SH3TC1: variants seen among roughly 807,000 people sequenced by gnomAD.
The protein encoded by SH3TC1 is SH3 domain and tetratricopeptide repeats 1, also known as SH3 domain and tetratricopeptide repeat-containing protein 1.
A neutral mutation model predicts 117.3 loss-of-function variants in SH3TC1; 135 were observed. The observed-to-expected ratio is 1.15, with a 90% CI of 1.00 to 1.33. The LOEUF is 1.33. Ranked by LOEUF, SH3TC1 falls within the 40% of genes most tolerant of loss-of-function variation. The pLI is 0.00. For synonymous variants in SH3TC1, 898 were observed against 816.9 expected, an observed-to-expected ratio of 1.10 and a Z score of -1.69; for missense variants, 2,092 against 1,794.3, an observed-to-expected ratio of 1.17 and a Z score of -3.00.
Position 8,206,705 on chromosome 4 carries a change from C to G in SH3TC1, c.172+1339C>G, listed in dbSNP as rs538711756. Among the ~76,000 whole-genome samples the G allele has an allele frequency of 2.6e-5, 4 of 152,340 alleles. No homozygotes were observed. Among genetic ancestry groups the G allele is most frequent in the Non-Finnish European group, 5.9e-5 (4 of 68,040 alleles). On this transcript the variant is annotated intron_variant, in intron 2 of 17. Coordinates refer to ENST00000245105, the MANE Select transcript of SH3TC1 (RefSeq NM_018986.5). This position sits in a 1 kb window ranked among gnomAD's most constrained non-coding sequence, Gnocchi z 5.5. ...GGCTCCTCATCAGCTCCTTCACCTC[C>G]TCGTCTTCTCTGGACAATTTCAGAT...
chr4:8,239,580 GCACACGCA>G (rs941067332), intron 17 of SH3TC1, among the ~76,000 whole-genome samples: 4 of 150,088 alleles, frequency 2.7e-5, no homozygotes, highest in African/African-American at 9.8e-5. Flanking sequence ...ATGCACAGAG[GCACACGCA>G]CACAGGCACG....
upstream of SH3TC1, among the ~76,000 whole-genome samples, chr4:8,197,476 G>T (rs989737055): frequency 6.6e-6 from 1 of 152,226 alleles, no homozygotes; most frequent in Non-Finnish European, 1.5e-5. Flanking sequence ...TGTCCCCGCA[G>T]GGAAGAAGAG....
chr4:8,214,170 A>G (rs1346320637), intron 4 of SH3TC1, among the ~76,000 whole-genome samples: 6 of 151,930 alleles, frequency 3.9e-5, no homozygotes, highest in African/African-American at 1.5e-4. Flanking sequence ...AGCGGCGGTC[A>G]CTGGTGTGTG....
chr4:8,212,278 G>A (rs1712286), intron 3 of SH3TC1, among the ~76,000 whole-genome samples: 126,500 of 151,586 alleles, frequency 0.83, 53,804 homozygotes, highest in East Asian at 0.99. Context: ...GCGTGGAGGA[G>A]GAGCTTGCTA....
intron 5 of SH3TC1, chr4:8,215,371 C>T: frequency 2.5e-6 from 1 of 406,084 alleles, no homozygotes; most frequent in Non-Finnish European, 5.1e-6. Flanking sequence ...AGAATTGTAG[C>T]CACAATTCCC....
chr4:8,188,940 C>T (rs1717322159), intron 1 of SH3TC1, among the ~76,000 whole-genome samples: 1 of 152,260 alleles, frequency 6.6e-6, no homozygotes, highest in African/African-American at 2.4e-5. Flanking sequence ...GGGCACTGCT[C>T]ACAGGCACAC....
At chr4:8,188,904 A>G (rs1717320736) in intron 1 of SH3TC1, among the ~76,000 whole-genome samples, 1 of 152,220 alleles carries the variant, frequency 6.6e-6, no homozygotes, top group South Asian at 2.1e-4. Flanking sequence ...GGGGAGGTGC[A>G]GCCAGTGCTG....
intron 14 of SH3TC1, among the ~76,000 whole-genome samples, chr4:8,234,032 CCATTCATCCAT>C (rs1283004749): frequency 8.6e-4 from 126 of 146,808 alleles, no homozygotes; most frequent in African/African-American, 3.2e-3. Flanking sequence ...ATCCATCCAT[CCATTCATCCAT>C]CATTCATCCA....
chr4:8,214,632 G>A, intron 5 of SH3TC1, 52 bp downstream of exon 5: 1 of 1,391,262 alleles, frequency 7.2e-7, no homozygotes, highest in Non-Finnish European at 1.0e-6. Context: ...GTCGGAAGGT[G>A]CTGGTTACAC....
At chr4:8,215,236 G>C (rs1719141823) in intron 5 of SH3TC1, 1 of 456,138 alleles carries the variant, frequency 2.2e-6, no homozygotes, top group Non-Finnish European at 4.4e-6. Flanking sequence ...TTTGAAAGCT[G>C]ACCCACGTGA....
At chr4:8,198,229 G>T (rs550849635), upstream of SH3TC1, among the ~76,000 whole-genome samples, 3 of 152,302 alleles carry the variant, frequency 2.0e-5, no homozygotes, top group Non-Finnish European at 4.4e-5. Flanking sequence ...TTGGTCACTG[G>T]CCTTGGGCAT....
chr4:8,232,495 CCGAGT>C, intron 13 of SH3TC1: 1 of 1,412,374 alleles, frequency 7.1e-7, no homozygotes, highest in Non-Finnish European at 9.4e-7. Context: ...TCTGCCTGCC[CCGAGT>C]CTTCACTCCT....
intron 2 of SH3TC1, among the ~76,000 whole-genome samples, chr4:8,207,782 A>G (rs1426540021): frequency 6.6e-6 from 1 of 152,146 alleles, no homozygotes; most frequent in East Asian, 1.9e-4. Flanking sequence ...TTCCAGGCTT[A>G]TCTTGCACTT....
chr4:8,196,969 T>C (rs1286983841), upstream of SH3TC1, among the ~76,000 whole-genome samples: 1 of 152,172 alleles, frequency 6.6e-6, no homozygotes, highest in Middle Eastern at 3.2e-3. The surrounding 1 kb of genome is among the most constrained non-coding windows in gnomAD (Gnocchi z 4.6). Flanking sequence ...TGTACCGAGC[T>C]GACACCAAAA....
At chr4:8,196,623 G>A (rs1184271709), upstream of SH3TC1, among the ~76,000 whole-genome samples, 2 of 152,338 alleles carry the variant, frequency 1.3e-5, no homozygotes, top group African/African-American at 4.8e-5. The surrounding 1 kb of genome is among the most constrained non-coding windows in gnomAD (Gnocchi z 4.6). Flanking sequence ...AAGGGTGGAA[G>A]CATTACCCAG....
intron 17 of SH3TC1, among the ~76,000 whole-genome samples, chr4:8,239,350 C>T (rs116690648): frequency 9.4e-4 from 143 of 151,682 alleles, no homozygotes; most frequent in African/African-American, 3.3e-3. Context: ...GACACGCACA[C>T]GCAAATGCAC....
At position 8,190,062 on chromosome 4, in the gene SH3TC1, G is replaced by A. The variant is rs1371904762; in HGVS notation, c.-57+7852G>A. Among the ~76,000 whole-genome samples the A allele has an allele frequency of 6.6e-6, 1 of 152,230 alleles. No homozygotes were observed. The highest frequency in any genetic ancestry group is 2.4e-5 in the African/African-American group (1 of 41,456). ...TGCGTTGATGCGAGGCCAGGAAGTA[G>A]GGCCTGGAAAGTAGCACTTGAGGTT... is the stretch of plus-strand genomic sequence containing the variant. On this transcript the variant is annotated intron_variant, in intron 1 of 16. Transcript: ENST00000508641. The surrounding 1 kb of genome is among the most constrained non-coding windows in gnomAD (Gnocchi z 4.7).
intron 16 of SH3TC1, 78 bp from the exon 17 acceptor site, chr4:8,237,392 GGCGA>G: frequency 3.2e-6 from 4 of 1,247,996 alleles, no homozygotes; most frequent in Non-Finnish European, 4.2e-6. Flanking sequence ...AGTGCCTGGA[GGCGA>G]GCCAGGTGCT....
chr4:8,209,715 C>T lies in SH3TC1; in HGVS notation c.173-33C>T. On this transcript the variant is annotated intron_variant, in intron 2 of 17. Coordinates refer to ENST00000245105, the MANE Select transcript of SH3TC1 (RefSeq NM_018986.5). This position sits in a 1 kb window ranked among gnomAD's most constrained non-coding sequence, Gnocchi z 5.9. Reference sequence around the variant, plus strand: ...CAGAGGAGCCAGGCCTTTGCTTGGTCTCCCCTAATCCTGGGAACCTGCTGT... The same window carrying T: ...CAGAGGAGCCAGGCCTTTGCTTGGTTTCCCCTAATCCTGGGAACCTGCTGT... 6.2e-7 allele frequency: 1 copy of T among 1,613,260 alleles called. No individual in the cohort carries two copies. Among genetic ancestry groups the T allele is most frequent in the Non-Finnish European group, 8.5e-7 (1 of 1,179,854 alleles).
Sources: gnomAD v4.1 joint callset for allele counts (sites outside exome capture counted in the v4.1 genomes callset) on GRCh38, gnomAD v4.1.1 for gene constraint, Gnocchi (gnomAD v3.1) non-coding constraint, MANE v1.5 for transcripts, NCBI Gene and HGNC (gene_info 2026-07-23, HGNC 2026-07-21) for gene names.